RSC1A1: variants seen among roughly 807,000 people sequenced by gnomAD.
RSC1A1 encodes the protein regulator of solute carriers 1.
In RSC1A1, 6 loss-of-function variants were observed where a neutral mutation model predicts 7.7. The observed-to-expected ratio is 0.78, with a 90% CI of 0.43 to 1.53. RSC1A1 has a LOEUF of 1.53. RSC1A1 is among the 40% of genes most tolerant of loss of function. The probability of loss-of-function intolerance (pLI) is 0.01; values close to 1 mark genes in which losing one functional copy is unlikely to be tolerated. For missense variants in RSC1A1, 729 were observed against 726.3 expected, an observed-to-expected ratio of 1.00 and a Z score of -0.04; for synonymous variants, 250 against 263.0, an observed-to-expected ratio of 0.95 and a Z score of 0.48.
Position 15,659,724 on chromosome 1 carries a change from G to A in RSC1A1, c.-145G>A, listed in dbSNP as rs1409008598. 20 of 1,109,786 alleles carry A rather than the reference G, an allele frequency of 1.8e-5. No homozygotes were observed. Among genetic ancestry groups the A allele is most frequent in the Admixed American group, 1.2e-4 (4 of 34,170 alleles). 68.7% of individuals were successfully genotyped at this position (1,109,786 alleles called of 1,614,324 possible). A position where few individuals can be genotyped will look rare whatever the true frequency, so the allele number is the denominator to read the frequency against. On this transcript the variant is annotated 5_prime_UTR_variant, in exon 1 of 1. Transcript: ENST00000345034. ...ATTTCTATTTGTGTAAGAGAAACCCGAGTTTGAGGACCTTATTTTATTCTA... is the reference window on the plus strand; with the variant it reads ...ATTTCTATTTGTGTAAGAGAAACCCAAGTTTGAGGACCTTATTTTATTCTA...
At position 15,660,336 on chromosome 1, in the gene RSC1A1, T is replaced by A; in HGVS notation, c.468T>A (p.Asn156Lys). 6.2e-7 allele frequency: 1 copy of A among 1,613,948 alleles called. No individual in the cohort carries two copies. The highest frequency in any genetic ancestry group is 8.5e-7 in the Non-Finnish European group (1 of 1,179,994). The change falls in exon 1 of 1, where the codon AAT becomes AAA. Residue 156 changes from asparagine to lysine, a missense_variant. By Grantham distance (94) the Asn-to-Lys change is moderately conservative. Coordinates refer to ENST00000345034, the MANE Select transcript of RSC1A1 (RefSeq NM_006511.3). ...FLGEKDWHPE[N>K]QNLSQVSDPQ... ...GTGAAAAGGATTGGCATCCAGAAAA[T>A]CAGAACCTGAGTCAAGTGAGTGACC...
In RSC1A1 at chr1:15,659,947, A is replaced by G. The variant is rs138770575; in HGVS notation, c.79A>G (p.Met27Val). Residue 27 changes from methionine (M) to valine (V), a missense_variant, in exon 1 of 1, where the codon ATG becomes GTG. Met to Val is a conservative substitution (Grantham distance 21). Transcript: ENST00000345034. Reference sequence around the variant, plus strand: ...ACAGAGTCCTGATGTTGGTAATCCTATGAGTCTTGCTCGCTCTGTCTCTGC... The same window carrying G: ...ACAGAGTCCTGATGTTGGTAATCCTGTGAGTCTTGCTCGCTCTGTCTCTGC... ...SGQSPDVGNP[M>V]SLARSVSASV... 839 of 1,613,960 alleles carry G rather than the reference A, an allele frequency of 5.2e-4. 5 individuals carry two copies. The African/African-American group carries it at 9.7e-3, about 19-fold the overall frequency.
In RSC1A1 at chr1:15,660,818, T is replaced by C. The variant is rs1374837024; in HGVS notation, c.950T>C (p.Val317Ala). The C allele has an allele frequency of 1.9e-6, 3 of 1,614,032 alleles. No homozygotes were observed. The highest frequency in any genetic ancestry group is 2.5e-6 in the Non-Finnish European group (3 of 1,180,034). ...TQDLQPPETN[V>A]EIPGTNKEYG... ...GATTTACAGCCCCCAGAAACTAATG[T>C]TGAAATACCTGGAACAAATAAAGAA... Residue 317 changes from valine to alanine, a missense_variant, in exon 1 of 1, where the codon GTT becomes GCT. Physicochemically the swap from Val to Ala is moderately conservative, Grantham distance 64. Coordinates refer to ENST00000345034, the MANE Select transcript of RSC1A1 (RefSeq NM_006511.3).
Position 15,661,324 on chromosome 1 carries a change from T to C in RSC1A1, c.1456T>C (p.Cys486Arg). Residue 486 changes from cysteine to arginine, a missense_variant, in exon 1 of 1, where the codon TGC becomes CGC. Coordinates refer to ENST00000345034, the MANE Select transcript of RSC1A1 (RefSeq NM_006511.3). The part of the protein sequence containing the change: ...TSAKTSNQLH[C>R]TLGVEISPKL... ...AGCTAAAACATCCAATCAGTTACAC[T>C]GCACCTTAGGTGTAGAAATTTCACC... The C allele has an allele frequency of 6.2e-7, 1 of 1,614,062 alleles. No homozygotes were observed. The highest frequency in any genetic ancestry group is 8.5e-7 in the Non-Finnish European group (1 of 1,179,966).
chr1:15,660,340 A>G lies in RSC1A1; in HGVS notation c.472A>G (p.Asn158Asp), dbSNP rs746541935. Residue 158 changes from asparagine to aspartate, a missense_variant, in exon 1 of 1, where the codon AAC (asparagine) becomes GAC (aspartate). Asn to Asp is a conservative substitution (Grantham distance 23). Coordinates refer to ENST00000345034, the MANE Select transcript of RSC1A1 (RefSeq NM_006511.3). The part of the protein sequence containing the change: ...GEKDWHPENQ[N>D]LSQVSDPQQH... Reference sequence around the variant, plus strand: ...AAAGGATTGGCATCCAGAAAATCAGAACCTGAGTCAAGTGAGTGACCCTCA... The same window carrying G: ...AAAGGATTGGCATCCAGAAAATCAGGACCTGAGTCAAGTGAGTGACCCTCA... The G allele has an allele frequency of 6.8e-6, 11 of 1,614,046 alleles. No homozygotes were observed. Among genetic ancestry groups the G allele is most frequent in the Non-Finnish European group, 8.5e-6 (10 of 1,180,034 alleles).
In RSC1A1 at chr1:15,659,882, C is replaced by G. The variant is rs1362885562; in HGVS notation, c.14C>G (p.Pro5Arg). Residue 5 changes from proline to arginine, a missense_variant, in exon 1 of 1, where the codon CCA (proline) becomes CGA (arginine). Physicochemically the swap from Pro to Arg is moderately radical, Grantham distance 103 (BLOSUM62 -2). Transcript: ENST00000345034. MSSL[P>R]TSDGFNHPAR... ...ACCTCACTGGGAATGTCATCATTACCAACTTCAGATGGGTTTAACCATCCC... is the reference window on the plus strand; with the variant it reads ...ACCTCACTGGGAATGTCATCATTACGAACTTCAGATGGGTTTAACCATCCC... 1 of 1,577,436 alleles carries G rather than the reference C, an allele frequency of 6.3e-7. No individual in the cohort carries two copies. The highest frequency in any genetic ancestry group is 1.9e-5 in the Admixed American group (1 of 52,224).
chr1:15,660,194 A>T lies in RSC1A1; in HGVS notation c.326A>T (p.Asn109Ile), dbSNP rs1345120329. 6.2e-7 allele frequency: 1 copy of T among 1,614,234 alleles called. No homozygotes were observed. Among genetic ancestry groups the T allele is most frequent in the Admixed American group, 1.7e-5 (1 of 60,034 alleles). Residue 109 changes from asparagine (N) to isoleucine (I), a missense_variant, in exon 1 of 1, where the codon AAT becomes ATT. Transcript: ENST00000345034. ...TCCGAAGAAATAACTGTTGCAGGTA[A>T]TCTGGAGAAATCTGCTGAAAGAAGC... ...NSSEEITVAG[N>I]LEKSAERSTQ...
chr1:15,661,780 C>T lies in RSC1A1; in HGVS notation c.*58C>T. ...CCCTTTAAACAAAAGAAAGCTCTCT[C>T]TATATACACGCACACATACACACTC... On this transcript the variant is annotated 3_prime_UTR_variant, in exon 1 of 1. Coordinates refer to ENST00000345034, the MANE Select transcript of RSC1A1 (RefSeq NM_006511.3). The T allele has an allele frequency of 3.3e-6, 5 of 1,528,354 alleles. No homozygotes were observed. The highest frequency in any genetic ancestry group is 2.6e-6 in the Non-Finnish European group (3 of 1,139,448). The allele number at this position is 1,528,354 out of a possible 1,614,324, so 94.7% of individuals were successfully genotyped here.
Position 15,660,218 on chromosome 1 carries a change from G to A in RSC1A1, c.350G>A (p.Ser117Asn). The A allele has an allele frequency of 1.9e-6, 3 of 1,614,148 alleles. No homozygotes were observed. The highest frequency in any genetic ancestry group is 1.6e-4 in the Middle Eastern group (1 of 6,062). Residue 117 changes from serine to asparagine, a missense_variant, in exon 1 of 1, where the codon AGC becomes AAC. Ser to Asn is a conservative substitution (Grantham distance 46). Coordinates refer to ENST00000345034, the MANE Select transcript of RSC1A1 (RefSeq NM_006511.3). ...AGNLEKSAER[S>N]TQGLKFHLHT... ...AATCTGGAGAAATCTGCTGAAAGAA[G>A]CACCCAGGGCCTCAAATTTCATCTC... is the stretch of plus-strand genomic sequence containing the variant.
In RSC1A1 at chr1:15,661,600, G is replaced by C; in HGVS notation, c.1732G>C (p.Asp578His). The change falls in exon 1 of 1, where the codon GAC (aspartate) becomes CAC (histidine). Residue 578 changes from aspartate to histidine, a missense_variant. Physicochemically the swap from Asp to His is moderately conservative, Grantham distance 81. Coordinates refer to ENST00000345034, the MANE Select transcript of RSC1A1 (RefSeq NM_006511.3). ...PPLIFPATDI[D>H]RILRAGFTLQ... ...ATTGATTTTTCCTGCCACAGATATT[G>C]ACCGCATTCTCCGTGCTGGCTTTAC... 1 of 1,614,072 alleles carries C rather than the reference G, an allele frequency of 6.2e-7. No individual in the cohort carries two copies. Among genetic ancestry groups the C allele is most frequent in the Non-Finnish European group, 8.5e-7 (1 of 1,180,032 alleles).
chr1:15,660,513 G>C lies in RSC1A1; in HGVS notation c.645G>C (p.Thr215=). Residue 215 remains threonine, a synonymous_variant, in exon 1 of 1, where the codon ACG becomes ACC. Coordinates refer to ENST00000345034, the MANE Select transcript of RSC1A1 (RefSeq NM_006511.3). The part of the protein sequence containing the change: ...NQHKIVDLEA[T]MKGNGLPQNV... ...ACAAAATTGTTGATTTGGAAGCTACGATGAAAGGAAATGGGCTCCCACAGA... is the reference window on the plus strand; with the variant it reads ...ACAAAATTGTTGATTTGGAAGCTACCATGAAAGGAAATGGGCTCCCACAGA... The C allele has an allele frequency of 6.2e-7, 1 of 1,613,644 alleles. No homozygotes were observed. Among genetic ancestry groups the C allele is most frequent in the South Asian group, 1.1e-5 (1 of 90,884 alleles).
At position 15,660,347 on chromosome 1, in the gene RSC1A1, G is replaced by A. The variant is rs1224127751; in HGVS notation, c.479G>A (p.Ser160Asn). 2.5e-6 allele frequency: 4 copies of A among 1,614,034 alleles called. No homozygotes were observed. The highest frequency in any genetic ancestry group is 1.7e-5 in the Admixed American group (1 of 60,012). ...TGGCATCCAGAAAATCAGAACCTGA[G>A]TCAAGTGAGTGACCCTCAGCAGCAC... is the stretch of plus-strand genomic sequence containing the variant. ...KDWHPENQNLSQVSDPQQHEE... is the reference protein window; with the variant it reads ...KDWHPENQNLNQVSDPQQHEE... The change falls in exon 1 of 1, where the codon AGT (serine) becomes AAT (asparagine). Residue 160 changes from serine (S) to asparagine (N), a missense_variant. Transcript: ENST00000345034.
In RSC1A1 at chr1:15,660,375, A is replaced by G. The variant is rs753654268; in HGVS notation, c.507A>G (p.Glu169=). 2 of 1,614,048 alleles carry G rather than the reference A, an allele frequency of 1.2e-6. No homozygotes were observed. The highest frequency in any genetic ancestry group is 2.2e-5 in the South Asian group (2 of 91,062). The change falls in exon 1 of 1, where the codon GAA becomes GAG. Residue 169 remains glutamate, a synonymous_variant. Coordinates refer to ENST00000345034, the MANE Select transcript of RSC1A1 (RefSeq NM_006511.3). The part of the protein sequence containing the change: ...LSQVSDPQQH[E]EPGNEQYEVA... ...AAGTGAGTGACCCTCAGCAGCACGA[A>G]GAACCAGGGAATGAACAGTATGAGG...
In RSC1A1 at chr1:15,661,511, G is replaced by A; in HGVS notation, c.1643G>A (p.Arg548Lys). The A allele has an allele frequency of 6.2e-7, 1 of 1,614,060 alleles. No homozygotes were observed. The highest frequency in any genetic ancestry group is 8.5e-7 in the Non-Finnish European group (1 of 1,180,010). Residue 548 changes from arginine (R) to lysine (K), a missense_variant, in exon 1 of 1, where the codon AGG becomes AAG. Transcript: ENST00000345034. ...TRENVCPDAS[R>K]PLLEYEPPTS... ...GAAAATGTCTGTCCTGATGCTTCGA[G>A]GCCATTACTTGAATATGAACCACCT... is the stretch of plus-strand genomic sequence containing the variant.
rs1419760615 is a variant in RSC1A1 at position 15,659,853 on chromosome 1, A to G, written c.-16A>G. ...TCCATATAGAGAAAAGTGGTAAAGAATCTACCTCACTGGGAATGTCATCAT... is the reference window on the plus strand; with the variant it reads ...TCCATATAGAGAAAAGTGGTAAAGAGTCTACCTCACTGGGAATGTCATCAT... On this transcript the variant is annotated 5_prime_UTR_variant, in exon 1 of 1. Coordinates refer to ENST00000345034, the MANE Select transcript of RSC1A1 (RefSeq NM_006511.3). 6.5e-6 allele frequency: 10 copies of G among 1,545,648 alleles called. No individual in the cohort carries two copies. Among genetic ancestry groups the G allele is most frequent in the Non-Finnish European group, 8.7e-6 (10 of 1,151,528 alleles).
At position 15,661,764 on chromosome 1, in the gene RSC1A1, C is replaced by T. The variant is rs1471638290; in HGVS notation, c.*42C>T. On this transcript the variant is annotated 3_prime_UTR_variant, in exon 1 of 1. Transcript: ENST00000345034. ...TAGACCGTTCTCCATTCCCTTTAAA[C>T]AAAAGAAAGCTCTCTCTATATACAC... The T allele has an allele frequency of 6.5e-7, 1 of 1,548,870 alleles. No homozygotes were observed. The highest frequency in any genetic ancestry group is 8.7e-7 in the Non-Finnish European group (1 of 1,149,596).
At chr1:15,661,463 TAACA>T in the RSC1A1 span, 19 of 1,613,838 alleles carry the variant, frequency 1.2e-5, no homozygotes, top group Non-Finnish European at 1.6e-5. Context: ...CAGAATTCAG[TAACA>T]GACAGGCCTG....
chr1:15,660,230 T>C lies in RSC1A1; in HGVS notation c.362T>C (p.Leu121Pro), dbSNP rs964564869. Residue 121 changes from leucine to proline, a missense_variant, in exon 1 of 1, where the codon CTC becomes CCC. By Grantham distance (98) the Leu-to-Pro change is moderately conservative. Coordinates refer to ENST00000345034, the MANE Select transcript of RSC1A1 (RefSeq NM_006511.3). The stretch of plus-strand genomic sequence containing the variant: ...TCTGCTGAAAGAAGCACCCAGGGCC[T>C]CAAATTTCATCTCCATACAAGACAG... ...EKSAERSTQG[L>P]KFHLHTRQEA... is the part of the protein sequence containing the mutation. 1 of 1,614,082 alleles carries C rather than the reference T, an allele frequency of 6.2e-7. No individual in the cohort carries two copies. The highest frequency in any genetic ancestry group is 8.5e-7 in the Non-Finnish European group (1 of 1,180,052).
Position 15,660,306 on chromosome 1 carries a change from T to G in RSC1A1, c.438T>G (p.Phe146Leu), listed in dbSNP as rs747747982. Residue 146 changes from phenylalanine (F) to leucine (L), a missense_variant, in exon 1 of 1, where the codon TTT (phenylalanine) becomes TTG (leucine). Physicochemically the swap from Phe to Leu is conservative, Grantham distance 22. Transcript: ENST00000345034. ...TSTRMHEPQM[F>L]LGEKDWHPEN... Reference sequence around the variant, plus strand: ...CTAGGATGCATGAACCACAGATGTTTCTAGGTGAAAAGGATTGGCATCCAG... The same window carrying G: ...CTAGGATGCATGAACCACAGATGTTGCTAGGTGAAAAGGATTGGCATCCAG... 1 of 1,614,158 alleles carries G rather than the reference T, an allele frequency of 6.2e-7. No homozygotes were observed. The highest frequency in any genetic ancestry group is 2.2e-5 in the East Asian group (1 of 44,886).
Sources: gnomAD v4.1 joint callset for allele counts on GRCh38, gnomAD v4.1.1 for gene constraint, MANE v1.5 for transcripts, NCBI Gene and HGNC (gene_info 2026-07-23, HGNC 2026-07-21) for gene names.